The following DHRS7B variants were observed in gnomAD, a reference collection of about 807,000 sequenced individuals.
DHRS7B encodes peroxisomal reductase activating PPAR-gamma.
In DHRS7B, 24 loss-of-function variants were observed where a neutral mutation model predicts 26.4. The ratio of observed to expected loss-of-function variants is 0.91; its 90% CI spans 0.66 to 1.28. The LOEUF is 1.28. DHRS7B is among the 50% of genes most tolerant of loss of function. The pLI is 0.00. For synonymous variants in DHRS7B, 142 were observed against 166.4 expected (o/e 0.85, Z 1.13); for missense variants, 368 against 419.4 (o/e 0.88, Z 1.07).
chr17:21,150,411 G>C (rs921939471), intron 1 of DHRS7B, among the ~76,000 whole-genome samples: 3 of 152,182 alleles, frequency 2.0e-5, no homozygotes, highest in African/African-American at 4.8e-5. Flanking sequence ...GAGGTCAGGA[G>C]TTTGAGACCA....
intron 1 of DHRS7B, among the ~76,000 whole-genome samples, chr17:21,162,873 AT>A (rs1974028010): frequency 6.6e-6 from 1 of 152,166 alleles, no homozygotes; most frequent in African/African-American, 2.4e-5. Context: ...ATTATTTAAT[AT>A]TTCTTGAACA....
chr17:21,190,518 A>T lies in DHRS7B; in HGVS notation c.773-430A>T, dbSNP rs181707388. On this transcript the variant is annotated intron_variant, in intron 6 of 6. Coordinates refer to ENST00000395511, the MANE Select transcript of DHRS7B (RefSeq NM_015510.5). The stretch of plus-strand genomic sequence containing the variant: ...CCCAAGATAAATGAGGTGGCACAAC[A>T]TCCCTTAGTCTTTGGTTGTTCTAAT... Among the ~76,000 whole-genome samples, 322 of 152,240 alleles carry T rather than the reference A, an allele frequency of 2.1e-3. 4 individuals are homozygous for T. The highest frequency in any genetic ancestry group is 3.5e-4 in the Non-Finnish European group (24 of 68,016).
chr17:21,138,087 T>TACACACACAC (rs1567616066), intron 1 of DHRS7B, among the ~76,000 whole-genome samples: 1 of 62,952 alleles, frequency 1.6e-5, no homozygotes, highest in African/African-American at 6.6e-5. Flanking sequence ...TATATATATA[T>TACACACACAC]ATATATATAT....
intron 5 of DHRS7B, among the ~76,000 whole-genome samples, chr17:21,185,923 A>G (rs557725401): frequency 1.3e-5 from 2 of 152,292 alleles, no homozygotes; most frequent in Admixed American, 6.5e-5. Context: ...CCTGACCTCA[A>G]GTGATCCGCC....
intron 1 of DHRS7B, among the ~76,000 whole-genome samples, chr17:21,161,276 G>A (rs1973994906): frequency 6.6e-6 from 1 of 152,156 alleles, no homozygotes; most frequent in Non-Finnish European, 1.5e-5. Context: ...GTGGATAATG[G>A]GGGAGGCTGT....
At chr17:21,171,403 C>T (rs181757853) in intron 1 of DHRS7B, among the ~76,000 whole-genome samples, 7 of 152,332 alleles carry the variant, frequency 4.6e-5, no homozygotes, top group Admixed American at 1.3e-4. Context: ...CGCTCACCGG[C>T]CGGAGCCCAT....
chr17:21,154,969 A>G (rs1458177326), intron 1 of DHRS7B, among the ~76,000 whole-genome samples: 1 of 152,204 alleles, frequency 6.6e-6, no homozygotes, highest in Non-Finnish European at 1.5e-5. Context: ...AGTTTTTTTA[A>G]AAAAAGAAGC....
At chr17:21,189,637 C>T (rs1452787780) in intron 6 of DHRS7B, among the ~76,000 whole-genome samples, 1 of 152,270 alleles carries the variant, frequency 6.6e-6, no homozygotes, top group African/African-American at 2.4e-5. Context: ...TGCCCATGTC[C>T]TGGCAGCAGC....
chr17:21,156,635 G>T (rs866522058), intron 1 of DHRS7B, among the ~76,000 whole-genome samples: 4 of 151,414 alleles, frequency 2.6e-5, no homozygotes, highest in Admixed American at 6.6e-5. Flanking sequence ...AAAATAAGCC[G>T]GGCGTGGTGG....
chr17:21,164,029 G>A (rs1209501625), intron 1 of DHRS7B, among the ~76,000 whole-genome samples: 1 of 43,816 alleles, frequency 2.3e-5, no homozygotes, highest in Admixed American at 2.1e-4. Flanking sequence ...CAATTGTTGT[G>A]CTTTTTTTTT....
chr17:21,129,141 G>A (rs919098245), intron 1 of DHRS7B, among the ~76,000 whole-genome samples: 1 of 152,168 alleles, frequency 6.6e-6, no homozygotes, highest in East Asian at 1.9e-4. Flanking sequence ...TAGCAAGGGA[G>A]ATAGTAAATA....
rs964707660 is a variant in DHRS7B at position 21,191,351 on chromosome 17, A to G, written c.*198A>G. The stretch of plus-strand genomic sequence containing the variant: ...CAAGCTTCTTCCCAGGGTGAGGGGA[A>G]ACACTTAAGGAATAAATATGGAGCT... On this transcript the variant is annotated 3_prime_UTR_variant, in exon 7 of 7. Transcript: ENST00000395511. 3.3e-6 allele frequency: 2 copies of G among 602,584 alleles called. No homozygotes were observed. The highest frequency in any genetic ancestry group is 5.8e-6 in the Non-Finnish European group (2 of 342,978). The allele number at this position is 602,584 out of a possible 1,614,324, so 37.3% of individuals were successfully genotyped here.
At chr17:21,188,574 C>A in intron 5 of DHRS7B, 137 bp from the exon 6 acceptor site, 1 of 1,049,470 alleles carries the variant, frequency 9.5e-7, no homozygotes, top group Non-Finnish European at 1.4e-6. Context: ...GGAGTCCAGC[C>A]TAAGCAACAT....
chr17:21,171,859 C>T (rs938310157), intron 1 of DHRS7B, 159 bp from the exon 2 acceptor site: 13 of 866,070 alleles, frequency 1.5e-5, no homozygotes, highest in African/African-American at 6.6e-5. Context: ...GCTGAACAGT[C>T]GGCCGAGGGT....
chr17:21,179,834 T>C (rs1461100348), intron 3 of DHRS7B, among the ~76,000 whole-genome samples: 3 of 151,178 alleles, frequency 2.0e-5, no homozygotes, highest in Non-Finnish European at 2.9e-5. Flanking sequence ...CGGTGCGATC[T>C]CAGCTCACCA....
At chr17:21,174,381 C>T (rs925910388) in intron 2 of DHRS7B, among the ~76,000 whole-genome samples, 1 of 152,204 alleles carries the variant, frequency 6.6e-6, no homozygotes, top group Non-Finnish European at 1.5e-5. Context: ...TATCTCCTTC[C>T]TCCAGCTTTA....
At position 21,154,755 on chromosome 17, in the gene DHRS7B, A is replaced by G. The variant is rs139953544; in HGVS notation, c.21-17263A>G. Among the ~76,000 whole-genome samples the G allele has an allele frequency of 3.2e-3, 484 of 152,366 alleles. 1 individual carries two copies. The highest frequency in any genetic ancestry group is 5.6e-3 in the Non-Finnish European group (384 of 68,042). On this transcript the variant is annotated intron_variant, in intron 1 of 6. Transcript: ENST00000395511. ...ATATACCAATACATTATGTATATAA[A>G]TGAACATAAATATGTGTTTATGTAT...
chr17:21,150,689 C>A (rs770963635), intron 1 of DHRS7B, among the ~76,000 whole-genome samples: 1 of 152,010 alleles, frequency 6.6e-6, no homozygotes, highest in East Asian at 1.9e-4. Context: ...ACAGACATGC[C>A]GAGAGCTATA....
At chr17:21,176,229 C>A (rs1261476937) in intron 2 of DHRS7B, among the ~76,000 whole-genome samples, 1 of 151,994 alleles carries the variant, frequency 6.6e-6, no homozygotes, top group Non-Finnish European at 1.5e-5. Context: ...CTCAAGCGAT[C>A]CTTCTGCCTC....
Sources: allele counts gnomAD v4.1 joint callset (sites outside exome capture counted in the v4.1 genomes callset), GRCh38; gene constraint gnomAD v4.1.1; transcripts MANE v1.5; gene names NCBI Gene and HGNC (gene_info 2026-07-23, HGNC 2026-07-21).